Variants in RDH12 observed in about 807,000 individuals in gnomAD.
The protein encoded by RDH12 is retinol dehydrogenase 12, also known as all-trans and 9-cis retinol dehydrogenase.
In RDH12, 21 loss-of-function variants were observed where a neutral mutation model predicts 34.0. The observed-to-expected ratio is 0.62, with a 90% CI of 0.44 to 0.89. The LOEUF (loss-of-function observed/expected upper bound fraction) is 0.89. RDH12 is among the 40% of genes least tolerant of loss of function. The probability of loss-of-function intolerance (pLI) is 0.00; values close to 1 mark genes in which losing one functional copy is unlikely to be tolerated. For synonymous variants in RDH12, 198 were observed against 169.9 expected, an observed-to-expected ratio of 1.17 and a Z score of -1.29; for missense variants, 394 against 398.6, an observed-to-expected ratio of 0.99 and a Z score of 0.10.
At chr14:67,718,088 C>CA (rs548243812) in intron 1 of RDH12, among the ~76,000 whole-genome samples, 1 of 152,026 alleles carries the variant, frequency 6.6e-6, no homozygotes, top group Non-Finnish European at 1.5e-5. Flanking sequence ...AAAACAAATA[C>CA]AAAAAAATGT....
At chr14:67,733,637 G>C (rs2038314311) in intron 8 of RDH12, 109 bp from the exon 9 acceptor site, 3 of 734,092 alleles carry the variant, frequency 4.1e-6, no homozygotes, top group African/African-American at 3.5e-5. Context: ...TTTGAGTCTG[G>C]CATATATTGT....
intron 8 of RDH12, 55 bp downstream of exon 8, chr14:67,729,435 A>C (rs1266966961): frequency 7.1e-6 from 11 of 1,540,490 alleles, no homozygotes; most frequent in Non-Finnish European, 9.7e-6. Context: ...GAGGTGCCGG[A>C]CTCGCTGGGC....
At chr14:67,704,691 A>C (rs1291926820) in intron 1 of RDH12, among the ~76,000 whole-genome samples, 1 of 152,232 alleles carries the variant, frequency 6.6e-6, no homozygotes, top group Admixed American at 6.5e-5. Context: ...AGCTAAGGAA[A>C]GGTCTCACCC....
intron 1 of RDH12, among the ~76,000 whole-genome samples, chr14:67,718,353 C>T (rs1226891458): frequency 6.6e-6 from 1 of 152,210 alleles, no homozygotes; most frequent in Non-Finnish European, 1.5e-5. Flanking sequence ...CCCTCTCACT[C>T]TATTTTGTAA....
chr14:67,715,267 A>C (rs1367987096), intron 1 of RDH12: 1 of 152,206 alleles, frequency 6.6e-6, no homozygotes, highest in Non-Finnish European at 1.5e-5. Context: ...AGGCCCTACA[A>C]TATCCAGATC....
intron 1 of RDH12, among the ~76,000 whole-genome samples, chr14:67,709,348 A>G (rs1050057261): frequency 4.6e-5 from 7 of 152,360 alleles, no homozygotes; most frequent in Middle Eastern, 3.4e-3. Context: ...CATGAAGCCA[A>G]TTAAATTCAT....
intron 1 of RDH12, among the ~76,000 whole-genome samples, chr14:67,709,008 G>A (rs2037981795): frequency 6.6e-6 from 1 of 152,136 alleles, no homozygotes; most frequent in African/African-American, 2.4e-5. Context: ...GGCCAGGATG[G>A]TCTCGATCTT....
intron 5 of RDH12, 48 bp downstream of exon 5, chr14:67,725,302 G>T: frequency 6.3e-7 from 1 of 1,595,788 alleles, no homozygotes; most frequent in Middle Eastern, 2.3e-4. Flanking sequence ...GGGTATGGGA[G>T]TGGCTGCTCC....
chr14:67,727,024 G>GTC lies in RDH12; in HGVS notation c.494_495dup (p.Ala166LeufsTer113). Reference sequence around the variant, plus strand: ...ACCTGCTCCTGGAGCGGCTAAAGGTGTCTGCCCCTGCACGGGTGGTTAATG... The same window carrying GTC: ...ACCTGCTCCTGGAGCGGCTAAAGGTGTCTCTGCCCCTGCACGGGTGGTTAATG... On this transcript the variant is annotated frameshift_variant, in exon 7 of 9. Transcript: ENST00000551171. LOFTEE classifies it high-confidence loss of function. 1 of 1,613,574 alleles carries GTC rather than the reference G, an allele frequency of 6.2e-7. No homozygotes were observed.
chr14:67,727,283 G>A lies in RDH12; in HGVS notation c.658+93G>A, dbSNP rs553777501. 24 of 898,498 alleles carry A rather than the reference G, an allele frequency of 2.7e-5. No homozygotes were observed. In the East Asian group the frequency reaches 3.4e-4, roughly 13 times the overall value. 55.7% of individuals were successfully genotyped at this position (898,498 alleles called of 1,614,324 possible). On this transcript the variant is annotated intron_variant, in intron 7 of 8. Coordinates refer to ENST00000551171, the MANE Select transcript of RDH12 (RefSeq NM_152443.3). ...GGAAGTCAGGCTGTCAAACATGCAC[G>A]TGTCAGTAATATCTCTGTGGACTAA... is the stretch of plus-strand genomic sequence containing the variant.
At chr14:67,730,316 T>C (rs983880242) in intron 8 of RDH12, among the ~76,000 whole-genome samples, 1 of 152,220 alleles carries the variant, frequency 6.6e-6, no homozygotes, top group African/African-American at 2.4e-5. Context: ...TAGCCACATG[T>C]TGCTATTGAG....
At chr14:67,723,686 G>C (rs2038151319) in intron 3 of RDH12, among the ~76,000 whole-genome samples, 1 of 152,180 alleles carries the variant, frequency 6.6e-6, no homozygotes, top group African/African-American at 2.4e-5. Flanking sequence ...ACTGTAATGT[G>C]GAAATAATAC....
intron 3 of RDH12, 57 bp from the exon 4 acceptor site, chr14:67,724,416 T>G: frequency 2.7e-6 from 3 of 1,094,164 alleles, no homozygotes; most frequent in Non-Finnish European, 2.8e-6. Context: ...TTTTAACGTA[T>G]CTTAGTGTGA....
intron 1 of RDH12, among the ~76,000 whole-genome samples, chr14:67,703,674 AT>A (rs2037923567): frequency 6.6e-6 from 1 of 152,172 alleles, no homozygotes; most frequent in South Asian, 2.1e-4. Context: ...AAAACCCAGT[AT>A]GTCTTTTTTT....
chr14:67,710,445 T>C (rs1255900132), intron 1 of RDH12, among the ~76,000 whole-genome samples: 1 of 152,204 alleles, frequency 6.6e-6, no homozygotes, highest in Non-Finnish European at 1.5e-5. Context: ...GTGACTTACA[T>C]AGACCTTTTG....
Position 67,724,609 on chromosome 14 carries a change from A to G in RDH12, c.187+18A>G, listed in dbSNP as rs1342295136. 6.4e-7 allele frequency: 1 copy of G among 1,553,240 alleles called. No individual in the cohort carries two copies. The highest frequency in any genetic ancestry group is 8.9e-7 in the Non-Finnish European group (1 of 1,125,012). On this transcript the variant is annotated intron_variant, in intron 4 of 8. Transcript: ENST00000551171. Reference sequence around the variant, plus strand: ...TAGCCGAGGTAAGTGTTTCCCCTTTAGTCTCCAAAGGGCCATGCCTCCCAC... The same window carrying G: ...TAGCCGAGGTAAGTGTTTCCCCTTTGGTCTCCAAAGGGCCATGCCTCCCAC...
intron 1 of RDH12, chr14:67,706,087 AT>A (rs2037947451): frequency 6.6e-6 from 1 of 152,190 alleles, no homozygotes; most frequent in Non-Finnish European, 1.5e-5. Flanking sequence ...CAGCATCAAT[AT>A]AGTGACCTCC....
At chr14:67,732,869 C>T in intron 8 of RDH12, among the ~76,000 whole-genome samples, 1 of 152,180 alleles carries the variant, frequency 6.6e-6, no homozygotes, top group East Asian at 1.9e-4. Flanking sequence ...GTGTGAGCCA[C>T]CGTGCCCAGC....
At chr14:67,730,045 A>C (rs1342872934) in intron 8 of RDH12, among the ~76,000 whole-genome samples, 1 of 152,176 alleles carries the variant, frequency 6.6e-6, no homozygotes, top group Non-Finnish European at 1.5e-5. Context: ...ATGAGAGGGG[A>C]ATGGATAAGT....
Sources: allele counts gnomAD v4.1 joint callset (sites outside exome capture counted in the v4.1 genomes callset), GRCh38; gene constraint gnomAD v4.1.1; transcripts MANE v1.5; gene names NCBI Gene and HGNC (gene_info 2026-07-23, HGNC 2026-07-21).